ARK2N: variants seen among roughly 807,000 people sequenced by gnomAD.
ARK2N encodes the protein protein ARK2N.
At chr18:46,201,671 C>T in the ARK2N span, among the ~76,000 whole-genome samples, 2 of 152,132 alleles carry the variant, frequency 1.3e-5, no homozygotes, top group African/African-American at 4.8e-5. Flanking sequence ...CCTCTGTTGG[C>T]AGGTGTTTTT....
chr18:46,200,520 C>T, the ARK2N span, among the ~76,000 whole-genome samples: 1 of 152,098 alleles, frequency 6.6e-6, no homozygotes, highest in Admixed American at 6.6e-5. Context: ...GTTGGCCAGG[C>T]TGGGCTCAAA....
chr18:46,182,541 T>G, the ARK2N span, among the ~76,000 whole-genome samples: 12 of 152,192 alleles, frequency 7.9e-5, no homozygotes, highest in Admixed American at 6.6e-4. Context: ...CCCAGGAGTT[T>G]TAGACCAGCC....
At chr18:46,175,253 C>A in the ARK2N span, among the ~76,000 whole-genome samples, 1 of 152,020 alleles carries the variant, frequency 6.6e-6, no homozygotes, top group Non-Finnish European at 1.5e-5. Flanking sequence ...TTTGCCTGAC[C>A]TTTTGCTTTC....
the ARK2N span, among the ~76,000 whole-genome samples, chr18:46,209,109 C>G: frequency 6.6e-6 from 1 of 152,080 alleles, no homozygotes. Context: ...GAGATGAAAA[C>G]TAGAAAGGTG....
the ARK2N span, among the ~76,000 whole-genome samples, chr18:46,182,929 G>A: frequency 6.6e-6 from 1 of 152,026 alleles, no homozygotes; most frequent in Admixed American, 6.6e-5. Flanking sequence ...TTATATTTAA[G>A]TTCCGGGTAG....
chr18:46,184,549 C>G, the ARK2N span, among the ~76,000 whole-genome samples: 11 of 152,146 alleles, frequency 7.2e-5, no homozygotes, highest in Admixed American at 2.6e-4. Flanking sequence ...TAGTGAAACT[C>G]CGTCTCTCCT....
the ARK2N span, among the ~76,000 whole-genome samples, chr18:46,244,125 TTAA>T: frequency 6.6e-6 from 1 of 152,238 alleles, no homozygotes; most frequent in South Asian, 2.1e-4. Context: ...GAATCTCTTT[TTAA>T]TAATAGCCTC....
chr18:46,246,796 C>T, the ARK2N span, among the ~76,000 whole-genome samples: 3 of 152,030 alleles, frequency 2.0e-5, no homozygotes, highest in African/African-American at 4.8e-5. Flanking sequence ...ACAAAATTAG[C>T]CTGGCGTGGT....
At chr18:46,245,135 A>T in the ARK2N span, among the ~76,000 whole-genome samples, 3 of 151,734 alleles carry the variant, frequency 2.0e-5, no homozygotes, top group African/African-American at 7.3e-5. Context: ...TTTCACCATG[A>T]TGGCCAGGCT....
the ARK2N span, among the ~76,000 whole-genome samples, chr18:46,180,735 G>A: frequency 5.7e-4 from 87 of 151,318 alleles, no homozygotes; most frequent in South Asian, 4.0e-3. Context: ...AACAAAACAA[G>A]CAAGCAGTCT....
chr18:46,237,626 T>G, the ARK2N span, among the ~76,000 whole-genome samples: 1 of 152,194 alleles, frequency 6.6e-6, no homozygotes, highest in Non-Finnish European at 1.5e-5. Flanking sequence ...TGATCTCAAG[T>G]GATCCATCTG....
At chr18:46,229,386 C>T in the ARK2N span, among the ~76,000 whole-genome samples, 2 of 152,082 alleles carry the variant, frequency 1.3e-5, no homozygotes, top group Admixed American at 6.5e-5. Context: ...CTCGCTCTGT[C>T]GTCCAGGCTG....
chr18:46,234,464 G>T, the ARK2N span, among the ~76,000 whole-genome samples: 2 of 152,082 alleles, frequency 1.3e-5, no homozygotes, highest in Non-Finnish European at 2.9e-5. Context: ...CTCCCAAAGT[G>T]CTGGATTACA....
chr18:46,221,176 TG>T, the ARK2N span, among the ~76,000 whole-genome samples: 8 of 151,860 alleles, frequency 5.3e-5, no homozygotes, highest in African/African-American at 1.9e-4. Context: ...TTATTTCACC[TG>T]GGAGCTTGAG....
At chr18:46,265,729 A>G in the ARK2N span, 2 of 152,650 alleles carry the variant, frequency 1.3e-5, no homozygotes, top group African/African-American at 4.8e-5. Context: ...CAGGCAAGGT[A>G]TTAATGATAC....
the ARK2N span, among the ~76,000 whole-genome samples, chr18:46,239,741 T>C: frequency 6.6e-6 from 1 of 152,222 alleles, no homozygotes; most frequent in Admixed American, 6.5e-5. Context: ...AGGAATTCAG[T>C]GTAACATTGT....
the ARK2N span, among the ~76,000 whole-genome samples, chr18:46,224,743 G>T: frequency 4.6e-5 from 7 of 152,152 alleles, no homozygotes; most frequent in Admixed American, 3.9e-4. Flanking sequence ...AAATGATAAT[G>T]TTAGTCATTT....
the ARK2N span, among the ~76,000 whole-genome samples, chr18:46,261,386 A>C: frequency 6.6e-6 from 1 of 152,198 alleles, no homozygotes; most frequent in South Asian, 2.1e-4. Context: ...AGGATAGTAA[A>C]TTCCATGCTT....
the ARK2N span, among the ~76,000 whole-genome samples, chr18:46,210,231 G>A: frequency 2.4e-3 from 359 of 152,258 alleles, 2 homozygotes; most frequent in African/African-American, 8.3e-3. Context: ...TGGTGACAGC[G>A]GATATGGAGA....
Sources: gnomAD v4.1 joint callset for allele counts (sites outside exome capture counted in the v4.1 genomes callset) on GRCh38, gnomAD v4.1.1 for gene constraint, MANE v1.5 for transcripts, NCBI Gene and HGNC (gene_info 2026-07-23, HGNC 2026-07-21) for gene names.